MXD1: variants seen among roughly 807,000 people sequenced by gnomAD.
MXD1 encodes MAX-binding protein.
A neutral mutation model predicts 25.7 loss-of-function variants in MXD1; 9 were observed. The observed-to-expected ratio is 0.35, with a 90% confidence interval of 0.21 to 0.61. The LOEUF (loss-of-function observed/expected upper bound fraction) is 0.61. Among genes scored for constraint, MXD1 ranks in the 20% least tolerant of loss-of-function variants. MXD1 has a pLI of 0.75. For missense variants in MXD1, 227 were observed against 292.4 expected (o/e 0.78, Z 1.63); for synonymous variants, 99 against 113.9 (o/e 0.87, Z 0.83).
intron 2 of MXD1, among the ~76,000 whole-genome samples, chr2:69,918,157 T>C (rs1289913696): frequency 6.6e-6 from 1 of 152,186 alleles, no homozygotes; most frequent in East Asian, 1.9e-4. Flanking sequence ...TCCTCAGCCA[T>C]GTATGGTCAG....
At chr2:69,927,881 A>C (rs947795208) in intron 3 of MXD1, among the ~76,000 whole-genome samples, 2 of 152,214 alleles carry the variant, frequency 1.3e-5, no homozygotes, top group Admixed American at 1.3e-4. Context: ...GGTTCCAATT[A>C]AGTTGGTAAT....
Position 69,927,546 on chromosome 2 carries a change from A to G in MXD1, c.203+5781A>G, listed in dbSNP as rs979981902. 2.6e-4 allele frequency among the ~76,000 whole-genome samples: 40 copies of G among 152,336 alleles called. 1 individual carries two copies. The highest frequency in any genetic ancestry group is 6.3e-4 in the African/African-American group (26 of 41,570). On this transcript the variant is annotated intron_variant, in intron 3 of 5. Coordinates refer to ENST00000264444, the MANE Select transcript of MXD1 (RefSeq NM_002357.4). ...CTTGGAGGAGAGACACATGCTGGTCATTTGACCAATTTCCAGTCTCCTACC... is the reference window on the plus strand; with the variant it reads ...CTTGGAGGAGAGACACATGCTGGTCGTTTGACCAATTTCCAGTCTCCTACC...
chr2:69,918,924 G>T (rs1012711195), intron 2 of MXD1, among the ~76,000 whole-genome samples: 1 of 152,092 alleles, frequency 6.6e-6, no homozygotes, highest in African/African-American at 2.4e-5. Flanking sequence ...TTTTGAAAGG[G>T]CTGCTTTTTA....
chr2:69,921,330 C>G (rs960586103), intron 2 of MXD1, among the ~76,000 whole-genome samples: 2 of 152,106 alleles, frequency 1.3e-5, no homozygotes, highest in Non-Finnish European at 2.9e-5. Flanking sequence ...TGTATGCTAC[C>G]CCTAGGGAAA....
At chr2:69,919,962 C>T (rs576188623) in intron 2 of MXD1, among the ~76,000 whole-genome samples, 51 of 152,262 alleles carry the variant, frequency 3.3e-4, no homozygotes, top group African/African-American at 1.2e-3. Flanking sequence ...AGGTCTGAGC[C>T]ACCATGCCTG....
At position 69,938,399 on chromosome 2, in the gene MXD1, C is replaced by A; in HGVS notation, c.*115C>A. 1 of 1,059,204 alleles carries A rather than the reference C, an allele frequency of 9.4e-7. No individual in the cohort carries two copies. The highest frequency in any genetic ancestry group is 1.4e-6 in the Non-Finnish European group (1 of 725,278). 65.6% of individuals were successfully genotyped at this position (1,059,204 alleles called of 1,614,324 possible). A position where few individuals can be genotyped will look rare whatever the true frequency, so the allele number is the denominator to read the frequency against. On this transcript the variant is annotated 3_prime_UTR_variant, in exon 6 of 6. Transcript: ENST00000264444. ...CGTAAACTTCAGTGTCCCACCTTGA[C>A]CAAAATCAGCTTTGTAACTGTTTTC...
intron 3 of MXD1, among the ~76,000 whole-genome samples, chr2:69,928,344 T>C (rs895451128): frequency 3.9e-5 from 6 of 152,010 alleles, no homozygotes; most frequent in Non-Finnish European, 8.8e-5. Context: ...CTGTGAAAAC[T>C]TGGAAGGAAG....
At position 69,915,303 on chromosome 2, in the gene MXD1, G is replaced by T. The variant is rs1288306300; in HGVS notation, c.-28G>T. On this transcript the variant is annotated 5_prime_UTR_variant, in exon 1 of 6. Coordinates refer to ENST00000264444, the MANE Select transcript of MXD1 (RefSeq NM_002357.4). The surrounding 1 kb of genome is among the most constrained non-coding windows in gnomAD (Gnocchi z 5.8). ...GCGAGCCCGTGGGCAGTGGGGGTTG[G>T]TCCCGTGGCTCCGGCCCCCGGTGCA... 2.3e-6 allele frequency: 3 copies of T among 1,307,776 alleles called. No individual in the cohort carries two copies. Among genetic ancestry groups the T allele is most frequent in the Non-Finnish European group, 2.0e-6 (2 of 1,019,590 alleles). 81.0% of individuals were successfully genotyped at this position (1,307,776 alleles called of 1,614,324 possible). A position where few individuals can be genotyped will look rare whatever the true frequency, so the allele number is the denominator to read the frequency against.
intron 4 of MXD1, 107 bp downstream of exon 4, chr2:69,935,572 T>A (rs1677411115): frequency 4.1e-6 from 3 of 735,892 alleles, no homozygotes; most frequent in Middle Eastern, 2.3e-4. Context: ...CCAGTCTAGC[T>A]ATTGGATGAA....
At chr2:69,926,018 T>C (rs975482780) in intron 3 of MXD1, among the ~76,000 whole-genome samples, 1 of 152,220 alleles carries the variant, frequency 6.6e-6, no homozygotes, top group Admixed American at 6.5e-5. Context: ...TTTTATGTCT[T>C]TGACTCTGTG....
rs1676953359 is a variant in MXD1 at position 69,915,924 on chromosome 2, C to T, written c.74-197C>T. ...CTCAACAATGAGCAGCTGGAATCCTCCTTACACCTGCTCCGAATTGACGAT... is the reference window on the plus strand; with the variant it reads ...CTCAACAATGAGCAGCTGGAATCCTTCTTACACCTGCTCCGAATTGACGAT... On this transcript the variant is annotated intron_variant, in intron 1 of 5. Coordinates refer to ENST00000264444, the MANE Select transcript of MXD1 (RefSeq NM_002357.4). The surrounding 1 kb of genome is among the most constrained non-coding windows in gnomAD (Gnocchi z 5.8). Among the ~76,000 whole-genome samples, 1 of 152,238 alleles carries T rather than the reference C, an allele frequency of 6.6e-6. No homozygotes were observed. The highest frequency in any genetic ancestry group is 2.1e-4 in the South Asian group (1 of 4,838).
In MXD1 at chr2:69,938,142, A is replaced by G. The variant is rs748628861; in HGVS notation, c.524A>G (p.Asp175Gly). 6.8e-6 allele frequency: 11 copies of G among 1,614,076 alleles called. No individual in the cohort carries two copies. The highest frequency in any genetic ancestry group is 1.3e-5 in the African/African-American group (1 of 74,926). Reference protein sequence around the residue: ...DVESTDYLTGDLDWSSSSVSD... With the variant: ...DVESTDYLTGGLDWSSSSVSD... ...GAGAGCACGGACTATCTCACAGGTG[A>G]TCTGGACTGGAGCAGCAGCAGTGTG... The change falls in exon 6 of 6, where the codon GAT becomes GGT. Residue 175 changes from aspartate to glycine, a missense_variant. By Grantham distance (94) the Asp-to-Gly change is moderately conservative. Coordinates refer to ENST00000264444, the MANE Select transcript of MXD1 (RefSeq NM_002357.4).
At chr2:69,928,388 AAG>A (rs1677211157) in intron 3 of MXD1, among the ~76,000 whole-genome samples, 1 of 152,180 alleles carries the variant, frequency 6.6e-6, no homozygotes, top group South Asian at 2.1e-4. Context: ...GGTGAGGGAA[AAG>A]AAAGAATATG....
Position 69,916,183 on chromosome 2 carries a change from C to T in MXD1, c.136C>T (p.Arg46Trp). Residue 46 changes from arginine (R) to tryptophan (W), a missense_variant, in exon 2 of 6, where the codon CGG (arginine) becomes TGG (tryptophan). Arg to Trp is a moderately radical substitution (Grantham distance 101). Coordinates refer to ENST00000264444, the MANE Select transcript of MXD1 (RefSeq NM_002357.4). ...TAACAAGGACAGAGATGCCTTAAAA[C>T]GGAGGAACAAATCCAAAAAGAATAA... is the stretch of plus-strand genomic sequence containing the variant. Reference protein sequence around the residue: ...YNNKDRDALKRRNKSKKNNSS... With the variant: ...YNNKDRDALKWRNKSKKNNSS... 5 of 1,612,454 alleles carry T rather than the reference C, an allele frequency of 3.1e-6. No homozygotes were observed. The South Asian group carries it at 4.4e-5, about 14-fold the overall frequency.
At chr2:69,935,240 T>G (rs532205258) in intron 3 of MXD1, 111 bp from the exon 4 acceptor site, 1 of 720,178 alleles carries the variant, frequency 1.4e-6, no homozygotes, top group Admixed American at 2.2e-5. Flanking sequence ...TTGGTAGCAT[T>G]TGCCATCGCA....
At chr2:69,920,743 C>G (rs1008211069) in intron 2 of MXD1, among the ~76,000 whole-genome samples, 1 of 152,164 alleles carries the variant, frequency 6.6e-6, no homozygotes, top group African/African-American at 2.4e-5. Flanking sequence ...AAAGGTCAAG[C>G]AAGATTCAGC....
chr2:69,933,676 C>T (rs897291674), intron 3 of MXD1, among the ~76,000 whole-genome samples: 4 of 152,142 alleles, frequency 2.6e-5, no homozygotes, highest in African/African-American at 9.7e-5. Context: ...GCTTACTAGC[C>T]CTGCCTTAGG....
At chr2:69,935,248 G>C in intron 3 of MXD1, 103 bp from the exon 4 acceptor site, 1 of 772,112 alleles carries the variant, frequency 1.3e-6, no homozygotes, top group Non-Finnish European at 2.3e-6. Context: ...ATTTGCCATC[G>C]CAAGGCCTGG....
intron 3 of MXD1, among the ~76,000 whole-genome samples, chr2:69,922,825 AGCCGAGATCCC>A (rs1231579559): frequency 2.0e-5 from 3 of 150,760 alleles, no homozygotes; most frequent in Non-Finnish European, 4.4e-5. Context: ...GGTTGCGGTG[AGCCGAGATCCC>A]GCCACTGCAC....
Sources: allele counts gnomAD v4.1 joint callset (sites outside exome capture counted in the v4.1 genomes callset), GRCh38; gene constraint gnomAD v4.1.1; non-coding constraint Gnocchi (gnomAD v3.1); transcripts MANE v1.5; gene names NCBI Gene and HGNC (gene_info 2026-07-23, HGNC 2026-07-21).